Variants in NAV2 observed in about 807,000 individuals in gnomAD.
NAV2 encodes neuron navigator 2.
A neutral mutation model predicts 223.2 loss-of-function variants in NAV2; 54 were observed. The observed-to-expected ratio is 0.24, with a 90% CI of 0.19 to 0.30. The LOEUF is 0.30. Among genes scored for constraint, NAV2 ranks in the 10% least tolerant of loss-of-function variants. The probability of loss-of-function intolerance (pLI) is 1.00; values close to 1 mark genes in which losing one functional copy is unlikely to be tolerated. For synonymous variants in NAV2, 1,279 were observed against 1,239.3 expected (o/e 1.03, Z -0.67); for missense variants, 2,806 against 3,147.5 (o/e 0.89, Z 2.60).
rs564045814 is a variant in NAV2 at position 20,097,107 on chromosome 11, C to T, written c.6013-470C>T. 3.1e-4 allele frequency among the ~76,000 whole-genome samples: 47 copies of T among 152,318 alleles called. No individual in the cohort carries two copies. The South Asian group carries it at 9.8e-3, about 32-fold the overall frequency. ...CAAATTAAACACACGTTTTCCTTCT[C>T]AAAGATCTAGAGCTGATTTTTTCTA... On this transcript the variant is annotated intron_variant, in intron 30 of 37. Transcript: ENST00000349880.
At chr11:19,716,409 A>C (rs757319144) in intron 1 of NAV2, among the ~76,000 whole-genome samples, 1 of 152,236 alleles carries the variant, frequency 6.6e-6, no homozygotes, top group Admixed American at 6.5e-5. Flanking sequence ...GTGAGCATTA[A>C]GAAAAATAAC....
At chr11:19,676,459 G>GT (rs1287314058) in intron 1 of NAV2, among the ~76,000 whole-genome samples, 1 of 147,188 alleles carries the variant, frequency 6.8e-6, no homozygotes, top group African/African-American at 2.5e-5. Flanking sequence ...TGAAGTCAGT[G>GT]TTTCCCTCCT....
chr11:19,577,557 G>A (rs1590584288), intron 1 of NAV2, among the ~76,000 whole-genome samples: 1 of 152,216 alleles, frequency 6.6e-6, no homozygotes, highest in South Asian at 2.1e-4. Context: ...CTTTTTCACA[G>A]CTCTGTTTCC....
chr11:19,418,569 A>C (rs926925773), intron 1 of NAV2, among the ~76,000 whole-genome samples: 1 of 152,216 alleles, frequency 6.6e-6, no homozygotes, highest in African/African-American at 2.4e-5. Context: ...ATCACATCTT[A>C]CCAGCATATG....
chr11:19,990,698 G>T (rs2153463945), intron 11 of NAV2, among the ~76,000 whole-genome samples: 1 of 152,280 alleles, frequency 6.6e-6, no homozygotes, highest in South Asian at 2.1e-4. Flanking sequence ...TGGTAGAGGT[G>T]AGAGAATCTA....
intron 1 of NAV2, among the ~76,000 whole-genome samples, chr11:19,455,918 C>T (rs1851942442): frequency 2.0e-5 from 3 of 152,198 alleles, no homozygotes. Flanking sequence ...TGGTGTTTGA[C>T]CTATAGAAGG....
At chr11:19,415,897 C>T (rs893390694) in intron 1 of NAV2, among the ~76,000 whole-genome samples, 1 of 152,124 alleles carries the variant, frequency 6.6e-6, no homozygotes, top group Non-Finnish European at 1.5e-5. Context: ...TTCAACACCC[C>T]TTCATGCTAA....
chr11:19,786,656 A>C (rs1425124085), intron 1 of NAV2, among the ~76,000 whole-genome samples: 1 of 152,194 alleles, frequency 6.6e-6, no homozygotes, highest in Admixed American at 6.5e-5. Flanking sequence ...TGGAGAAGGA[A>C]GCCAGAAATA....
intron 1 of NAV2, among the ~76,000 whole-genome samples, chr11:19,469,594 C>T (rs994251547): frequency 1.3e-5 from 2 of 152,190 alleles, no homozygotes; most frequent in Non-Finnish European, 2.9e-5. Context: ...GGTCTCTCAC[C>T]TCGCTTTCCC....
At chr11:19,741,729 C>T (rs1266007399) in intron 1 of NAV2, among the ~76,000 whole-genome samples, 1 of 131,534 alleles carries the variant, frequency 7.6e-6, no homozygotes, top group African/African-American at 3.1e-5. Context: ...ATATATATAT[C>T]ACAATTTATT....
At chr11:19,546,214 G>C (rs1157035299) in intron 1 of NAV2, among the ~76,000 whole-genome samples, 1 of 152,202 alleles carries the variant, frequency 6.6e-6, no homozygotes, top group Non-Finnish European at 1.5e-5. Flanking sequence ...TTGATGTGGG[G>C]TCTCGAGCAA....
In NAV2 at chr11:19,713,909, G is replaced by A; in HGVS notation, c.214G>A (p.Glu72Lys). Residue 72 changes from glutamate (E) to lysine (K), a missense_variant, in exon 1 of 38, where the codon GAG becomes AAG. By Grantham distance (56) the Glu-to-Lys change is moderately conservative. This residue lies in a region of NAV2 where 1,167 missense variants were observed against 1,180.5 expected (regional missense o/e 0.99). Coordinates refer to ENST00000349880, the MANE Select transcript of NAV2 (RefSeq NM_145117.5). This position sits in a 1 kb window ranked among gnomAD's most constrained non-coding sequence, Gnocchi z 7.2. ...GCAGGGGCTGCAGGAGCCAGCGGGG[G>A]AGGGGCTCCCGCTGCGGAAGAGCGG... The part of the protein sequence containing the change: ...VLQGLQEPAG[E>K]GLPLRKSGSV... 1 of 1,613,654 alleles carries A rather than the reference G, an allele frequency of 6.2e-7. No homozygotes were observed. Among genetic ancestry groups the A allele is most frequent in the Non-Finnish European group, 8.5e-7 (1 of 1,179,996 alleles).
intron 1 of NAV2, among the ~76,000 whole-genome samples, chr11:19,614,398 C>T (rs1157643544): frequency 2.0e-5 from 3 of 151,488 alleles, no homozygotes; most frequent in Non-Finnish European, 1.5e-5. Flanking sequence ...TTCTCCCTTT[C>T]TCTCTCTCTC....
intron 1 of NAV2, among the ~76,000 whole-genome samples, chr11:19,650,008 C>T (rs2047923776): frequency 6.6e-6 from 1 of 152,176 alleles, no homozygotes; most frequent in Admixed American, 6.5e-5. Flanking sequence ...GTGATTCCAC[C>T]ACTTTGGAAA....
intron 1 of NAV2, among the ~76,000 whole-genome samples, chr11:19,477,792 A>T (rs1405186817): frequency 6.6e-6 from 1 of 152,172 alleles, no homozygotes; most frequent in African/African-American, 2.4e-5. Context: ...TCTTTTACAG[A>T]TGAGGAAACA....
chr11:19,396,350 G>T (rs1040670848), intron 1 of NAV2, among the ~76,000 whole-genome samples: 1 of 152,164 alleles, frequency 6.6e-6, no homozygotes, highest in Non-Finnish European at 1.5e-5. Context: ...CCAACATGAT[G>T]TGTGAGACCA....
At chr11:19,935,864 T>TTTTTTTTTTTG (rs1555156834) in intron 7 of NAV2, among the ~76,000 whole-genome samples, 1 of 101,156 alleles carries the variant, frequency 9.9e-6, no homozygotes, top group Non-Finnish European at 2.0e-5. Context: ...TTTTTTTTTT[T>TTTTTTTTTTTG]TTTTTTTTTT....
At chr11:20,092,981 A>AC in intron 28 of NAV2, 118 bp from the exon 29 acceptor site, 1 of 63,016 alleles carries the variant, frequency 1.6e-5, no homozygotes, top group Non-Finnish European at 3.7e-5. Flanking sequence ...CTACCCCCCC[A>AC]CCCCCTGCAC....
At chr11:19,548,470 G>A (rs920617393) in intron 1 of NAV2, among the ~76,000 whole-genome samples, 3 of 152,170 alleles carry the variant, frequency 2.0e-5, no homozygotes, top group African/African-American at 7.2e-5. Context: ...AGGTCTCACT[G>A]ATGGTTACTG....
Sources: allele counts gnomAD v4.1 joint callset (sites outside exome capture counted in the v4.1 genomes callset), GRCh38; gene constraint gnomAD v4.1.1; regional missense constraint gnomAD v4.1.1; non-coding constraint Gnocchi (gnomAD v3.1); transcripts MANE v1.5; gene names NCBI Gene and HGNC (gene_info 2026-07-23, HGNC 2026-07-21).